Variants in AOX1 observed in about 807,000 individuals in gnomAD.
The protein encoded by AOX1 is aldehyde oxidase 1.
AOX1 carries 153 observed loss-of-function variants against 169.5 expected under a neutral mutation model. The ratio of observed to expected loss-of-function variants is 0.90; its 90% CI spans 0.79 to 1.03. AOX1 has a LOEUF of 1.03. Among genes scored for constraint, AOX1 ranks in the 50% least tolerant of loss-of-function variants. The pLI is 0.00. For synonymous variants in AOX1, 562 were observed against 581.9 expected (o/e 0.97, Z 0.49); for missense variants, 1,656 against 1,663.9 (o/e 1.00, Z 0.08).
At chr2:200,612,543 A>C in intron 13 of AOX1, 66 bp from the exon 14 acceptor site, 1 of 1,533,438 alleles carries the variant, frequency 6.5e-7, no homozygotes. Flanking sequence ...CTCAAGACAC[A>C]CAGACTGCCC....
At chr2:200,588,514 A>T (rs1369545228) in intron 1 of AOX1, among the ~76,000 whole-genome samples, 1 of 152,142 alleles carries the variant, frequency 6.6e-6, no homozygotes, top group Non-Finnish European at 1.5e-5. Flanking sequence ...GCTAGTTCTT[A>T]TCTACGGACT....
intron 16 of AOX1, among the ~76,000 whole-genome samples, chr2:200,619,438 G>T (rs999130528): frequency 1.3e-5 from 2 of 152,180 alleles, no homozygotes; most frequent in African/African-American, 4.8e-5. Context: ...GTGCAATGTT[G>T]ACACAGTGAG....
At chr2:200,676,761 C>T (rs189260346) in intron 4 of AOX1, 214 of 357,132 alleles carry the variant, frequency 6.0e-4, no homozygotes, top group African/African-American at 3.9e-3. Flanking sequence ...CAGAGCAAGG[C>T]GGGGAGACAA....
At chr2:200,620,130 G>A (rs1254855739) in intron 16 of AOX1, among the ~76,000 whole-genome samples, 1 of 151,490 alleles carries the variant, frequency 6.6e-6, no homozygotes, top group East Asian at 1.9e-4. Flanking sequence ...ACAACATCAT[G>A]GATTGACATA....
At chr2:200,647,995 G>A (rs989677378) in intron 25 of AOX1, among the ~76,000 whole-genome samples, 3 of 151,868 alleles carry the variant, frequency 2.0e-5, no homozygotes, top group Non-Finnish European at 4.4e-5. Context: ...CTAACTTCTT[G>A]TAACTTTTTT....
At chr2:200,615,711 CAT>C in intron 15 of AOX1, among the ~76,000 whole-genome samples, 1 of 152,178 alleles carries the variant, frequency 6.6e-6, no homozygotes, top group East Asian at 1.9e-4. Flanking sequence ...TCATAAGAAA[CAT>C]AGAGCTGGTG....
chr2:200,658,948 A>G (rs1251680160), intron 27 of AOX1, among the ~76,000 whole-genome samples: 1 of 152,224 alleles, frequency 6.6e-6, no homozygotes, highest in Non-Finnish European at 1.5e-5. Context: ...ATCACCAGAA[A>G]GTCAAAGAAA....
At chr2:200,660,632 A>G (rs1432647299) in intron 29 of AOX1, among the ~76,000 whole-genome samples, 1 of 152,226 alleles carries the variant, frequency 6.6e-6, no homozygotes. Context: ...TTTCAAAGTA[A>G]TAGTTTATCA....
rs571610948 is a variant in AOX1, at chr2:200,668,488, A to G, written c.3610-127A>G. ...AGATAAACTTTCAGCAACATGCTCC[A>G]AGACACCCTGAAAATGCTCTTAAAC... On this transcript the variant is annotated intron_variant, in intron 32 of 34. Transcript: ENST00000374700. The G allele has an allele frequency of 1.1e-5, 9 of 809,512 alleles. No homozygotes were observed. In the African/African-American group the frequency reaches 1.6e-4, roughly 14 times the overall value. 50.1% of individuals were successfully genotyped at this position (809,512 alleles called of 1,614,324 possible).
At chr2:200,680,020 A>T (rs2036139176), downstream of AOX1, among the ~76,000 whole-genome samples, 1 of 152,200 alleles carries the variant, frequency 6.6e-6, no homozygotes, top group South Asian at 2.1e-4. Flanking sequence ...TTGAGGCTGC[A>T]GTGAGCTATG....
chr2:200,641,694 AT>A lies in AOX1; in HGVS notation c.2655+519del, dbSNP rs370559858. Among the ~76,000 whole-genome samples, 1,261 of 151,486 alleles carry A rather than the reference AT, an allele frequency of 8.3e-3. 11 individuals are homozygous for A. The highest frequency in any genetic ancestry group is 0.039 in the South Asian group (184 of 4,776). On this transcript the variant is annotated intron_variant, in intron 24 of 34. Coordinates refer to ENST00000374700, the MANE Select transcript of AOX1 (RefSeq NM_001159.4). Reference sequence around the variant, plus strand: ...AGGTACATGCCACCATGCCTAGCTAATTTTTTTTTATTATTATTTTGTAGAG... The same window carrying A: ...AGGTACATGCCACCATGCCTAGCTAATTTTTTTTATTATTATTTTGTAGAG...
chr2:200,590,937 C>G (rs1055506785), intron 1 of AOX1, among the ~76,000 whole-genome samples: 3 of 152,132 alleles, frequency 2.0e-5, no homozygotes, highest in Admixed American at 6.5e-5. Context: ...GGGTTCTAGC[C>G]ATTTCATCCC....
intron 15 of AOX1, among the ~76,000 whole-genome samples, chr2:200,614,436 CT>C (rs1559238817): frequency 6.6e-6 from 1 of 152,144 alleles, no homozygotes; most frequent in Non-Finnish European, 1.5e-5. Context: ...AGGAAAAGGG[CT>C]TCATATGGTC....
chr2:200,672,074 T>C (rs181290005), downstream of AOX1, among the ~76,000 whole-genome samples: 2 of 152,340 alleles, frequency 1.3e-5, no homozygotes, highest in Non-Finnish European at 2.9e-5. Context: ...TGATTCCATC[T>C]ATACAAAATG....
chr2:200,600,539 T>G (rs1330494490), intron 5 of AOX1, among the ~76,000 whole-genome samples: 1 of 152,082 alleles, frequency 6.6e-6, no homozygotes, highest in Non-Finnish European at 1.5e-5. Context: ...CCTCTCAAGT[T>G]CTGTTTCTGG....
At chr2:200,674,397 C>A (rs1004275210), downstream of AOX1, among the ~76,000 whole-genome samples, 2 of 150,020 alleles carry the variant, frequency 1.3e-5, no homozygotes, top group African/African-American at 4.9e-5. Flanking sequence ...ATATATGGAA[C>A]AAATGGTTTG....
At chr2:200,650,841 C>A (rs1462843761) in intron 25 of AOX1, 133 bp from the exon 26 acceptor site, 1 of 703,276 alleles carries the variant, frequency 1.4e-6, no homozygotes, top group Non-Finnish European at 2.4e-6. Context: ...TTAGGAAAGG[C>A]TTCCACAAGG....
downstream of AOX1, among the ~76,000 whole-genome samples, chr2:200,675,780 T>C (rs2036089122): frequency 6.6e-6 from 1 of 152,086 alleles, no homozygotes; most frequent in Admixed American, 6.5e-5. Flanking sequence ...TTTAAGCACT[T>C]TACTTCACAA....
chr2:200,603,920 G>T, intron 7 of AOX1, 97 bp from the exon 8 acceptor site: 1 of 818,142 alleles, frequency 1.2e-6, no homozygotes. Flanking sequence ...TTGTCGGTTT[G>T]CTGTATCTGA....
Sources: allele counts gnomAD v4.1 joint callset (sites outside exome capture counted in the v4.1 genomes callset), GRCh38; gene constraint gnomAD v4.1.1; transcripts MANE v1.5; gene names NCBI Gene and HGNC (gene_info 2026-07-23, HGNC 2026-07-21).